The following PDLIM5 variants were observed in gnomAD, a reference collection of about 807,000 sequenced individuals.
The protein encoded by PDLIM5 is PDZ and LIM domain protein 5.
In PDLIM5, 34 loss-of-function variants were observed where a neutral mutation model predicts 64.2. The observed-to-expected ratio is 0.53, with a 90% CI of 0.40 to 0.71. The LOEUF (loss-of-function observed/expected upper bound fraction) is 0.71. Ranked by LOEUF, PDLIM5 falls within the 30% of genes least tolerant of loss-of-function variation. The pLI, the probability that PDLIM5 is intolerant of heterozygous loss-of-function variation, is 0.00. For synonymous variants in PDLIM5, 253 were observed against 269.1 expected (o/e 0.94, Z 0.59); for missense variants, 683 against 733.6 (o/e 0.93, Z 0.80).
intron 2 of PDLIM5, among the ~76,000 whole-genome samples, chr4:94,459,640 A>T (rs1723693797): frequency 6.6e-6 from 1 of 152,254 alleles, no homozygotes; most frequent in Admixed American, 6.5e-5. Flanking sequence ...AAATAAGCAC[A>T]GTGCTATAGA....
intron 2 of PDLIM5, among the ~76,000 whole-genome samples, chr4:94,466,484 G>C (rs937107390): frequency 1.3e-5 from 2 of 152,070 alleles, no homozygotes; most frequent in African/African-American, 2.4e-5. Context: ...TTTTTAACAT[G>C]CTTTCTAGAT....
At chr4:94,653,329 A>G (rs1172203917) in intron 9 of PDLIM5, among the ~76,000 whole-genome samples, 1 of 152,148 alleles carries the variant, frequency 6.6e-6, no homozygotes, top group Non-Finnish European at 1.5e-5. Context: ...TCTCACAGGA[A>G]TGTTGCATGG....
intron 2 of PDLIM5, among the ~76,000 whole-genome samples, chr4:94,476,635 T>C (rs1238735583): frequency 6.6e-6 from 1 of 152,148 alleles, no homozygotes; most frequent in African/African-American, 2.4e-5. Context: ...ATCATCCCTT[T>C]TTTGGTTGGT....
intron 2 of PDLIM5, among the ~76,000 whole-genome samples, chr4:94,512,877 T>C (rs1729013966): frequency 6.6e-6 from 1 of 152,172 alleles, no homozygotes; most frequent in Non-Finnish European, 1.5e-5. Flanking sequence ...GTGTTTGAGT[T>C]AAGTCTTTAA....
At chr4:94,629,371 T>C (rs1309788323) in intron 8 of PDLIM5, among the ~76,000 whole-genome samples, 1 of 152,074 alleles carries the variant, frequency 6.6e-6, no homozygotes, top group Admixed American at 6.5e-5. Flanking sequence ...ATTCTGTGTG[T>C]ATATTGTGGT....
chr4:94,508,864 T>C (rs950467044), intron 2 of PDLIM5, among the ~76,000 whole-genome samples: 4 of 152,230 alleles, frequency 2.6e-5, no homozygotes, highest in African/African-American at 9.6e-5. Context: ...CTCAGTTTTC[T>C]TGTTACTTTC....
At chr4:94,657,860 C>T (rs1032604761) in intron 11 of PDLIM5, among the ~76,000 whole-genome samples, 1 of 152,110 alleles carries the variant, frequency 6.6e-6, no homozygotes, top group African/African-American at 2.4e-5. Context: ...GCATGTGCCA[C>T]CATGCTCGGC....
At chr4:94,476,202 G>A (rs1421677009) in intron 2 of PDLIM5, among the ~76,000 whole-genome samples, 2 of 152,090 alleles carry the variant, frequency 1.3e-5, no homozygotes, top group Admixed American at 1.3e-4. Flanking sequence ...ATTTGCGATT[G>A]TGTATTATTC....
Position 94,664,917 on chromosome 4 carries a change from T to C in PDLIM5, c.*850T>C. The C allele has an allele frequency of 2.0e-6, 2 of 981,050 alleles. No homozygotes were observed. The highest frequency in any genetic ancestry group is 2.4e-6 in the Non-Finnish European group (2 of 825,942). 60.8% of individuals were successfully genotyped at this position (981,050 alleles called of 1,614,324 possible). A position where few individuals can be genotyped will look rare whatever the true frequency, so the allele number is the denominator to read the frequency against. ...ATTATTTTTGCCTTACAGTGGATCA[T>C]TCTAGTAGGAAAGGACAATAAGATT... On this transcript the variant is annotated 3_prime_UTR_variant, in exon 13 of 13. Transcript: ENST00000317968.
Position 94,492,120 on chromosome 4 carries a change from A to G in PDLIM5, c.97-31604A>G, listed in dbSNP as rs572079898. Among the ~76,000 whole-genome samples, 6 of 150,922 alleles carry G rather than the reference A, an allele frequency of 4.0e-5. 1 individual carries two copies. In the South Asian group the frequency reaches 1.3e-3, roughly 31 times the overall value. ...TGATACACTTTTTTCAGCTTTAAGA[A>G]TTGTTTTTCTTTTCCCATTTCCCAT... On this transcript the variant is annotated intron_variant, in intron 2 of 12. Transcript: ENST00000317968.
At chr4:94,494,432 G>GGTTTTTTTTATTTTTTTTTTTTTTT (rs1553940971) in intron 2 of PDLIM5, among the ~76,000 whole-genome samples, 1 of 70,770 alleles carries the variant, frequency 1.4e-5, no homozygotes, top group Non-Finnish European at 2.8e-5. Flanking sequence ...TTTTTTTCTT[G>GGTTTTTTTTATTTTTTTTTTTTTTT]TTTTTTTTTT....
intron 3 of PDLIM5, among the ~76,000 whole-genome samples, chr4:94,565,260 T>C (rs1194292945): frequency 6.6e-6 from 1 of 152,216 alleles, no homozygotes; most frequent in African/African-American, 2.4e-5. Context: ...TGTTTGTATG[T>C]TTATAAAAAT....
intron 8 of PDLIM5, among the ~76,000 whole-genome samples, chr4:94,636,757 G>A (rs989144110): frequency 4.6e-5 from 7 of 152,042 alleles, no homozygotes; most frequent in South Asian, 2.1e-4. Context: ...GGATGGTCTC[G>A]ATCTCCTGAT....
rs763438199 is a variant in PDLIM5, at chr4:94,657,440, C to T, written c.1478C>T (p.Ala493Val). 3.2e-5 allele frequency: 51 copies of T among 1,594,144 alleles called. No individual in the cohort carries two copies. The East Asian group carries it at 8.9e-4, about 28-fold the overall frequency. Residue 493 changes from alanine to valine, a missense_variant, in exon 11 of 13, where the codon GCG becomes GTG. Physicochemically the swap from Ala to Val is moderately conservative, Grantham distance 64 (BLOSUM62 0). Coordinates refer to ENST00000317968, the MANE Select transcript of PDLIM5 (RefSeq NM_006457.5). ...QRKILGEVIS[A>V]LKQTWHVSCF... ...TTTCTGTAACAGGAAGTCATCAGTG[C>T]GTTGAAACAAACTTGGCATGTTTCC...
chr4:94,595,176 C>G (rs1316672890), intron 7 of PDLIM5, among the ~76,000 whole-genome samples: 1 of 152,166 alleles, frequency 6.6e-6, no homozygotes, highest in Non-Finnish European at 1.5e-5. Flanking sequence ...ATCCAGGTAC[C>G]TCCTGCCAGG....
At chr4:94,496,040 A>G (rs1386686562) in intron 2 of PDLIM5, among the ~76,000 whole-genome samples, 2 of 150,984 alleles carry the variant, frequency 1.3e-5, no homozygotes, top group Non-Finnish European at 2.9e-5. Flanking sequence ...TCATTAAAGA[A>G]TATGTGACAT....
intron 8 of PDLIM5, among the ~76,000 whole-genome samples, chr4:94,632,122 C>T (rs1740203874): frequency 6.6e-6 from 1 of 152,262 alleles, no homozygotes; most frequent in African/African-American, 2.4e-5. Context: ...TCCCACCTTT[C>T]TGGCAGTTAT....
chr4:94,468,668 T>A (rs1373126294), intron 2 of PDLIM5, among the ~76,000 whole-genome samples: 1 of 152,192 alleles, frequency 6.6e-6, no homozygotes, highest in Non-Finnish European at 1.5e-5. Flanking sequence ...CAAAGACTCA[T>A]GAGAATAAAT....
chr4:94,562,311 T>C (rs1278529960), intron 3 of PDLIM5, among the ~76,000 whole-genome samples: 1 of 152,168 alleles, frequency 6.6e-6, no homozygotes, highest in Admixed American at 6.5e-5. Context: ...TGTTTTTGTT[T>C]TGCAAATAAA....
Sources: allele counts gnomAD v4.1 joint callset (sites outside exome capture counted in the v4.1 genomes callset), GRCh38; gene constraint gnomAD v4.1.1; transcripts MANE v1.5; gene names NCBI Gene and HGNC (gene_info 2026-07-23, HGNC 2026-07-21).